The following ZNF385D variants were observed in gnomAD, a reference collection of about 807,000 sequenced individuals.
The protein encoded by ZNF385D is zinc finger protein 385D.
Under a neutral mutation model 35.8 loss-of-function variants are expected in ZNF385D, and 15 were observed. That is an observed-to-expected ratio of 0.42 (90% confidence interval 0.28 to 0.64). The LOEUF (loss-of-function observed/expected upper bound fraction) is 0.64. ZNF385D is among the 30% of genes least tolerant of loss of function. ZNF385D has a pLI of 0.23. For missense variants in ZNF385D, 474 were observed against 494.6 expected (o/e 0.96, Z 0.39); for synonymous variants, 212 against 186.8 (o/e 1.13, Z -1.10).
intron 3 of ZNF385D, among the ~76,000 whole-genome samples, chr3:22,030,301 A>ATATATATATATATATATATCTATC: frequency 9.1e-6 from 1 of 110,482 alleles, no homozygotes; most frequent in African/African-American, 3.6e-5. Context: ...ATATATATAT[A>ATATATATATATATATATATCTATC]TCCTATTTGG....
chr3:21,496,500 TATATC>T (rs1355678307), intron 4 of ZNF385D, among the ~76,000 whole-genome samples: 1 of 137,104 alleles, frequency 7.3e-6, no homozygotes, highest in African/African-American at 2.7e-5. Flanking sequence ...ATTTGATATA[TATATC>T]ATATATATAT....
chr3:21,758,834 C>T (rs1423807070), intron 3 of ZNF385D, among the ~76,000 whole-genome samples: 1 of 151,650 alleles, frequency 6.6e-6, no homozygotes, highest in African/African-American at 2.4e-5. Flanking sequence ...AGACACTGGC[C>T]TCTCACTTTA....
At chr3:21,654,328 CGAAG>C (rs1211165869) in intron 2 of ZNF385D, among the ~76,000 whole-genome samples, 1 of 151,956 alleles carries the variant, frequency 6.6e-6, no homozygotes, top group African/African-American at 2.4e-5. Context: ...GGTTATACTT[CGAAG>C]AAAGGCAAAA....
At chr3:21,718,120 G>T (rs1038906769) in intron 1 of ZNF385D, among the ~76,000 whole-genome samples, 4 of 152,202 alleles carry the variant, frequency 2.6e-5, no homozygotes, top group Admixed American at 6.5e-5. Context: ...AATAAAAAGT[G>T]AACAGGGTTG....
At chr3:22,369,919 T>C (rs1340532671) in intron 2 of ZNF385D, among the ~76,000 whole-genome samples, 2 of 152,290 alleles carry the variant, frequency 1.3e-5, no homozygotes, top group African/African-American at 2.4e-5. Flanking sequence ...CTCAGCTACC[T>C]GCATACACTT....
At chr3:21,727,254 T>C (rs779430099) in intron 1 of ZNF385D, among the ~76,000 whole-genome samples, 3 of 152,124 alleles carry the variant, frequency 2.0e-5, no homozygotes, top group Admixed American at 2.0e-4. Flanking sequence ...ATTCAGGACA[T>C]AGGCATGGGC....
intron 3 of ZNF385D, among the ~76,000 whole-genome samples, chr3:21,876,548 C>T (rs1039821688): frequency 6.6e-6 from 1 of 151,862 alleles, no homozygotes; most frequent in Non-Finnish European, 1.5e-5. Flanking sequence ...CTTCAATCAA[C>T]TGACATTTAT....
intron 1 of ZNF385D, among the ~76,000 whole-genome samples, chr3:21,727,139 A>G (rs2125470568): frequency 6.6e-6 from 1 of 152,254 alleles, no homozygotes; most frequent in East Asian, 1.9e-4. Context: ...CTGAAACTGG[A>G]CCCCTTTCTT....
At chr3:21,668,984 T>C (rs2066484421) in intron 1 of ZNF385D, among the ~76,000 whole-genome samples, 1 of 152,230 alleles carries the variant, frequency 6.6e-6, no homozygotes, top group Non-Finnish European at 1.5e-5. Context: ...TCTTAATGTT[T>C]ACCAACAATG....
chr3:21,748,576 C>A (rs759544849), intron 1 of ZNF385D, among the ~76,000 whole-genome samples: 2 of 152,152 alleles, frequency 1.3e-5, no homozygotes, highest in Admixed American at 6.5e-5. Context: ...CATCTCTACC[C>A]CATTCTCACA....
At chr3:21,592,547 A>AAC in intron 2 of ZNF385D, among the ~76,000 whole-genome samples, 1 of 110,092 alleles carries the variant, frequency 9.1e-6, no homozygotes, top group South Asian at 2.9e-4. Context: ...TCATGGCAAA[A>AAC]AAAAAAAACC....
intron 4 of ZNF385D, among the ~76,000 whole-genome samples, chr3:21,469,698 G>A (rs977165238): frequency 6.6e-6 from 1 of 151,892 alleles, no homozygotes; most frequent in Non-Finnish European, 1.5e-5. Flanking sequence ...CTTAAAAAAT[G>A]TTTCAGGTTT....
chr3:21,687,348 G>A (rs913391957), intron 1 of ZNF385D, among the ~76,000 whole-genome samples: 1 of 152,140 alleles, frequency 6.6e-6, no homozygotes, highest in African/African-American at 2.4e-5. Flanking sequence ...TTTGGAGTTC[G>A]TTTGTTAAGT....
intron 3 of ZNF385D, among the ~76,000 whole-genome samples, chr3:21,975,455 G>C (rs1703536894): frequency 6.6e-6 from 1 of 151,968 alleles, no homozygotes; most frequent in South Asian, 2.1e-4. Context: ...TATATGGTTA[G>C]ATAGAATGAA....
chr3:21,526,206 A>C (rs1211992523), intron 3 of ZNF385D, among the ~76,000 whole-genome samples: 1 of 152,070 alleles, frequency 6.6e-6, no homozygotes, highest in Non-Finnish European at 1.5e-5. Flanking sequence ...AAGTATTCCA[A>C]AATTTAGTTT....
intron 2 of ZNF385D, among the ~76,000 whole-genome samples, chr3:21,643,937 T>C (rs1473979076): frequency 6.6e-6 from 1 of 152,206 alleles, no homozygotes; most frequent in East Asian, 1.9e-4. Flanking sequence ...CCAAGAATAA[T>C]GTGGGATAGA....
At chr3:21,924,952 G>A (rs1700650647) in intron 3 of ZNF385D, among the ~76,000 whole-genome samples, 1 of 152,004 alleles carries the variant, frequency 6.6e-6, no homozygotes, top group Non-Finnish European at 1.5e-5. Flanking sequence ...ATTCTAACAA[G>A]ACATATACAG....
chr3:22,166,965 G>A (rs1706374943), intron 3 of ZNF385D, among the ~76,000 whole-genome samples: 1 of 152,218 alleles, frequency 6.6e-6, no homozygotes. Flanking sequence ...ACAATAAGGA[G>A]TAGATTTTTC....
At chr3:22,337,518 A>C (rs1462304182) in intron 2 of ZNF385D, among the ~76,000 whole-genome samples, 2 of 152,172 alleles carry the variant, frequency 1.3e-5, no homozygotes, top group Non-Finnish European at 2.9e-5. Flanking sequence ...TGGGCAACAG[A>C]GTGAGACTCC....
Sources: gnomAD v4.1 joint callset for allele counts (sites outside exome capture counted in the v4.1 genomes callset) on GRCh38, gnomAD v4.1.1 for gene constraint, MANE v1.5 for transcripts, NCBI Gene and HGNC (gene_info 2026-07-23, HGNC 2026-07-21) for gene names.